The following INPP5A variants were observed in gnomAD, a reference collection of about 807,000 sequenced individuals.
INPP5A encodes the protein 43 kDa inositol polyphosphate 5-phophatase.
INPP5A carries 14 observed loss-of-function variants against 65.2 expected under a neutral mutation model. The ratio of observed to expected loss-of-function variants is 0.21; its 90% CI spans 0.14 to 0.34. INPP5A has a LOEUF of 0.34. Ranked by LOEUF, INPP5A falls within the 10% of genes least tolerant of loss-of-function variation. The pLI is 1.00. For synonymous variants in INPP5A, 207 were observed against 208.3 expected (o/e 0.99, Z 0.05); for missense variants, 431 against 545.6 (o/e 0.79, Z 2.09).
intron 1 of INPP5A, among the ~76,000 whole-genome samples, chr10:132,570,546 G>C (rs980633109): frequency 1.3e-5 from 2 of 152,212 alleles, no homozygotes; most frequent in African/African-American, 4.8e-5. Flanking sequence ...TGGTGCTGCT[G>C]CTGGTGCTGA....
rs149034124 is a variant in INPP5A, at chr10:132,777,780, C to T, written c.1087C>T (p.Arg363Trp). Residue 363 changes from arginine (R) to tryptophan (W), a missense_variant and splice_region_variant, in exon 13 of 16, where the codon CGG (arginine) becomes TGG (tryptophan). Arg to Trp is a moderately radical substitution (Grantham distance 101). Transcript: ENST00000368594. ...MSPSAKELVL[R>W]SESEEKVVTY... is the part of the protein sequence containing the mutation. ...CCCGTCTGCCAAGGAGCTGGTGCTG[C>T]GGGTGAGTGTGTGCTGCCCCAGCCC... 7.4e-6 allele frequency: 12 copies of T among 1,612,658 alleles called. No homozygotes were observed. The highest frequency in any genetic ancestry group is 2.2e-5 in the East Asian group (1 of 44,858).
At chr10:132,690,478 G>A (rs1427306221) in intron 5 of INPP5A, 23 bp downstream of exon 5, 2 of 1,587,930 alleles carry the variant, frequency 1.3e-6, no homozygotes, top group Non-Finnish European at 8.6e-7. Flanking sequence ...GCCGTCTTCC[G>A]GGATTTTGTC....
intron 6 of INPP5A, among the ~76,000 whole-genome samples, chr10:132,701,670 G>A (rs1845439521): frequency 6.6e-6 from 1 of 152,218 alleles, no homozygotes. Context: ...GGGGTGCTCA[G>A]GTGCGCCCGT....
At chr10:132,623,435 GA>G (rs1213204941) in intron 2 of INPP5A, among the ~76,000 whole-genome samples, 3 of 151,568 alleles carry the variant, frequency 2.0e-5, no homozygotes, top group Non-Finnish European at 4.4e-5. Flanking sequence ...GGAACAATAG[GA>G]CATCCATATG....
At chr10:132,736,497 C>T (rs1226282654) in intron 9 of INPP5A, among the ~76,000 whole-genome samples, 4 of 152,248 alleles carry the variant, frequency 2.6e-5, no homozygotes, top group African/African-American at 9.6e-5. Flanking sequence ...AGGAGCCGTC[C>T]TCGGAGAGGG....
intron 9 of INPP5A, among the ~76,000 whole-genome samples, chr10:132,744,314 C>G (rs1241428413): frequency 6.6e-6 from 1 of 152,222 alleles, no homozygotes; most frequent in Non-Finnish European, 1.5e-5. Flanking sequence ...TGTGAGCCAT[C>G]CCCCACCACC....
At chr10:132,709,585 G>A (rs911712432) in intron 7 of INPP5A, among the ~76,000 whole-genome samples, 3 of 152,108 alleles carry the variant, frequency 2.0e-5, no homozygotes, top group Non-Finnish European at 4.4e-5. Flanking sequence ...GCGTCATCGG[G>A]GTCATTGTGG....
At chr10:132,579,835 A>G (rs967576922) in intron 1 of INPP5A, among the ~76,000 whole-genome samples, 4 of 148,596 alleles carry the variant, frequency 2.7e-5, no homozygotes, top group African/African-American at 1.0e-4. Context: ...TTCGTCATCC[A>G]CCTGCCTCTC....
rs530720524 is a variant in INPP5A at position 132,616,807 on chromosome 10, A to G, written c.117+8851A>G. 5.3e-5 allele frequency among the ~76,000 whole-genome samples: 8 copies of G among 151,904 alleles called. No homozygotes were observed. The highest frequency in any genetic ancestry group is 1.2e-4 in the Non-Finnish European group (8 of 67,958). The stretch of plus-strand genomic sequence containing the variant: ...TCCTGGATCTCCTGTAGCTCTGGCC[A>G]GTGGCGAGTGGCACCATGCAGCAGG... On this transcript the variant is annotated intron_variant, in intron 2 of 15. Transcript: ENST00000368594. The surrounding 1 kb of genome is among the most constrained non-coding windows in gnomAD (Gnocchi z 4.9).
intron 5 of INPP5A, among the ~76,000 whole-genome samples, chr10:132,690,850 T>C (rs1450552807): frequency 7.9e-5 from 12 of 152,196 alleles, no homozygotes; most frequent in Admixed American, 7.9e-4. Context: ...CTGTGTGTCT[T>C]CACGGAAAAG....
Position 132,697,724 on chromosome 10 carries a change from G to C in INPP5A, c.371-92G>C. ...CGGGGGGCCTCTCTGGCTCCCATCG[G>C]GCTGAAGTCGGGTGGAAACAGGTTG... On this transcript the variant is annotated intron_variant, in intron 5 of 15. Transcript: ENST00000368594. The surrounding 1 kb of genome is among the most constrained non-coding windows in gnomAD (Gnocchi z 5.6). 8.0e-6 allele frequency: 7 copies of C among 873,252 alleles called. 1 individual carries two copies. In the South Asian group the frequency reaches 1.0e-4, roughly 13 times the overall value. 54.1% of individuals were successfully genotyped at this position (873,252 alleles called of 1,614,324 possible).
At chr10:132,731,571 C>T (rs1241104650) in intron 9 of INPP5A, among the ~76,000 whole-genome samples, 3 of 152,186 alleles carry the variant, frequency 2.0e-5, no homozygotes, top group Admixed American at 6.5e-5. Flanking sequence ...AGGTTTTCTT[C>T]GCTGGTGCCG....
chr10:132,628,466 G>GGGGA (rs1554937164), intron 2 of INPP5A, among the ~76,000 whole-genome samples: 6 of 134,030 alleles, frequency 4.5e-5, no homozygotes, highest in Non-Finnish European at 7.9e-5. Flanking sequence ...CTGGTGGCGG[G>GGGGA]GGGGGGGGGG....
At chr10:132,726,788 G>A (rs746676898) in intron 8 of INPP5A, 33 bp from the exon 9 acceptor site, 10 of 1,529,542 alleles carry the variant, frequency 6.5e-6, no homozygotes, top group South Asian at 3.5e-5. Flanking sequence ...CGGCTTCAGC[G>A]CCCTCGGTAA....
At chr10:132,756,990 T>A (rs1358794847) in intron 11 of INPP5A, among the ~76,000 whole-genome samples, 2 of 152,222 alleles carry the variant, frequency 1.3e-5, no homozygotes, top group African/African-American at 4.8e-5. Flanking sequence ...AGGCAAAAAG[T>A]TTATAGAATA....
chr10:132,575,025 A>G lies in INPP5A; in HGVS notation c.76-32890A>G, dbSNP rs1055521056. On this transcript the variant is annotated intron_variant, in intron 1 of 15. Coordinates refer to ENST00000368594, the MANE Select transcript of INPP5A (RefSeq NM_005539.5). The surrounding 1 kb of genome is among the most constrained non-coding windows in gnomAD (Gnocchi z 5.4). ...AGAAACGCAAAGCACACCTCAGCAT[A>G]TGGTCTGCGGAGTCCTCCCGGGGGC... Among the ~76,000 whole-genome samples, 24 of 152,198 alleles carry G rather than the reference A, an allele frequency of 1.6e-4. No individual in the cohort carries two copies. Among genetic ancestry groups the G allele is most frequent in the Admixed American group, 1.3e-3 (20 of 15,294 alleles).
chr10:132,742,865 G>A (rs1046117613), intron 9 of INPP5A, among the ~76,000 whole-genome samples: 19 of 152,134 alleles, frequency 1.2e-4, no homozygotes, highest in East Asian at 9.6e-4. Flanking sequence ...TTATTTAACC[G>A]CTGAAGGCAT....
Position 132,705,552 on chromosome 10 carries a change from C to T in INPP5A, c.475-2761C>T, listed in dbSNP as rs150686998. On this transcript the variant is annotated intron_variant, in intron 6 of 15. Coordinates refer to ENST00000368594, the MANE Select transcript of INPP5A (RefSeq NM_005539.5). This position sits in a 1 kb window ranked among gnomAD's most constrained non-coding sequence, Gnocchi z 4.9. The stretch of plus-strand genomic sequence containing the variant: ...AGAGCCATAGCCTGGCGTCCAAGTG[C>T]GTGGCCAGGCCGGGAGGAGTGTACA... Among the ~76,000 whole-genome samples, 651 of 152,368 alleles carry T rather than the reference C, an allele frequency of 4.3e-3. 2 individuals are homozygous for T. The highest frequency in any genetic ancestry group is 6.7e-3 in the Admixed American group (102 of 15,308).
intron 3 of INPP5A, among the ~76,000 whole-genome samples, chr10:132,649,952 C>T (rs546546990): frequency 5.6e-4 from 85 of 152,320 alleles, no homozygotes; most frequent in African/African-American, 1.8e-3. Flanking sequence ...CCACCATTCT[C>T]GCTGCCACTT....
Sources: gnomAD v4.1 joint callset for allele counts (sites outside exome capture counted in the v4.1 genomes callset) on GRCh38, gnomAD v4.1.1 for gene constraint, Gnocchi (gnomAD v3.1) non-coding constraint, MANE v1.5 for transcripts, NCBI Gene and HGNC (gene_info 2026-07-23, HGNC 2026-07-21) for gene names.